Variants in DMD observed in about 807,000 individuals in gnomAD.
DMD encodes mutant dystrophin.
Under a neutral mutation model 330.1 loss-of-function variants are expected in DMD, and 63 were observed. The observed-to-expected ratio is 0.19, with a 90% CI of 0.16 to 0.24. The LOEUF is 0.24. Ranked by LOEUF, DMD falls within the 10% of genes least tolerant of loss-of-function variation. The pLI is 1.00. For missense variants in DMD, 3,344 were observed against 2,684.1 expected, an observed-to-expected ratio of 1.25 and a Z score of -5.43; for synonymous variants, 1,223 against 959.8, an observed-to-expected ratio of 1.27 and a Z score of -5.07.
In DMD at chrX:32,131,263, G is replaced by A. The variant is rs185323444; in HGVS notation, c.6438+85653C>T. On this transcript the variant is annotated intron_variant, in intron 44 of 78. Transcript: ENST00000357033. ...TTTCATTAGCATATAAGATCCTTGA[G>A]AGTAAGAACTTTTTGCTTCTGATTC... Among the ~76,000 whole-genome samples the A allele has an allele frequency of 5.2e-4, 58 of 112,172 alleles. 1 individual carries two copies. The East Asian group carries it at 0.015, about 29-fold the overall frequency.
intron 55 of DMD, among the ~76,000 whole-genome samples, chrX:31,560,775 T>C (rs75053612): frequency 6.6e-5 from 7 of 106,544 alleles, no homozygotes; most frequent in African/African-American, 1.1e-4. Context: ...TAATAGTAAA[T>C]ATATTTTTCT....
At chrX:33,242,104 T>A (rs977270913) in intron 1 of DMD, among the ~76,000 whole-genome samples, 1 of 112,041 alleles carries the variant, frequency 8.9e-6, no homozygotes, top group African/African-American at 3.2e-5. Flanking sequence ...TGGGATTTTT[T>A]AAAAATTTAT....
chrX:31,617,718 A>G, intron 55 of DMD, among the ~76,000 whole-genome samples: 1 of 111,015 alleles, frequency 9.0e-6, no homozygotes, highest in East Asian at 2.8e-4. Flanking sequence ...CAATGCCATT[A>G]CTGGGTATAT....
rs150787752 is a variant in DMD, at chrX:32,346,042, T to C, written c.5487A>G (p.Gln1829=). 9.4e-5 allele frequency: 114 copies of C among 1,208,007 alleles called. No individual in the cohort carries two copies. The African/African-American group carries it at 1.8e-3, about 19-fold the overall frequency. The change falls in exon 39 of 79, where the codon CAA becomes CAG. Residue 1829 remains glutamine, a synonymous_variant. Coordinates refer to ENST00000357033, the MANE Select transcript of DMD (RefSeq NM_004006.3). Reference sequence around the variant, plus strand: ...TTCTTTGTTGTAAGTTGTCTCCTCTTTGCAACAATTCTTTTACAGTACCCT... The same window carrying C: ...TTCTTTGTTGTAAGTTGTCTCCTCTCTGCAACAATTCTTTTACAGTACCCT... ...DNEGTVKELL[Q]RGDNLQQRIT...
intron 50 of DMD, among the ~76,000 whole-genome samples, chrX:31,818,426 C>A (rs2092683443): frequency 3.6e-5 from 4 of 111,414 alleles, no homozygotes; most frequent in Non-Finnish European, 7.5e-5. Flanking sequence ...AGGTAAGTTA[C>A]ACGTTAAATG....
intron 6 of DMD, among the ~76,000 whole-genome samples, chrX:32,810,458 C>CA (rs1387711543): frequency 1.1e-4 from 12 of 111,711 alleles, no homozygotes; most frequent in African/African-American, 3.6e-4. Flanking sequence ...CATACTCCCC[C>CA]AAACCTACCT....
chrX:31,166,039 A>G, intron 74 of DMD, among the ~76,000 whole-genome samples: 1 of 111,783 alleles, frequency 8.9e-6, no homozygotes, highest in East Asian at 2.8e-4. Context: ...GAGAATTTTG[A>G]AAAGCAAGCA....
At chrX:32,320,264 T>C in intron 41 of DMD, among the ~76,000 whole-genome samples, 2 of 111,495 alleles carry the variant, frequency 1.8e-5, no homozygotes, top group Admixed American at 1.9e-4. Flanking sequence ...TCAGTATCTA[T>C]GTCTAAATAT....
intron 48 of DMD, among the ~76,000 whole-genome samples, chrX:31,841,522 ACT>A (rs2048833260): frequency 9.2e-6 from 1 of 108,363 alleles, no homozygotes; most frequent in African/African-American, 3.3e-5. Context: ...GCCATCTAGG[ACT>A]TTCATAGCTA....
At position 32,577,733 on chromosome X, in the gene DMD, C is replaced by T. The variant is rs748615507; in HGVS notation, c.1603-3887G>A. ...AGCATGAACACATATCCTTTAGTAA[C>T]ATATTCTATTGCTTAAACCTATCTT... is the stretch of plus-strand genomic sequence containing the variant. On this transcript the variant is annotated intron_variant, in intron 13 of 78. Transcript: ENST00000357033. Among the ~76,000 whole-genome samples the T allele has an allele frequency of 4.5e-5, 5 of 112,282 alleles. No homozygotes were observed. In the South Asian group the frequency reaches 1.8e-3, roughly 42 times the overall value.
At chrX:32,849,180 TC>T (rs954278117) in intron 3 of DMD, among the ~76,000 whole-genome samples, 17 of 110,391 alleles carry the variant, frequency 1.5e-4, no homozygotes, top group African/African-American at 2.3e-4. Context: ...TTGAGTTCTT[TC>T]CCCCCCCAGT....
chrX:32,930,543 C>T (rs2089492442), intron 2 of DMD, among the ~76,000 whole-genome samples: 1 of 110,866 alleles, frequency 9.0e-6, no homozygotes, highest in African/African-American at 3.3e-5. Context: ...CCTTCACAAT[C>T]TAATCATAAC....
chrX:32,711,375 G>T (rs1324705230), intron 7 of DMD, among the ~76,000 whole-genome samples: 1 of 110,616 alleles, frequency 9.0e-6, no homozygotes, highest in Non-Finnish European at 1.9e-5. Context: ...ATCCTATGGA[G>T]CCTGACTCCT....
At chrX:32,786,880 A>AAT (rs1305065912) in intron 7 of DMD, among the ~76,000 whole-genome samples, 3 of 111,550 alleles carry the variant, frequency 2.7e-5, no homozygotes, top group Non-Finnish European at 5.7e-5. Context: ...TTTTTGCAGA[A>AAT]ATAAAACGAA....
intron 7 of DMD, among the ~76,000 whole-genome samples, chrX:32,763,957 C>A (rs1326706150): frequency 9.0e-6 from 1 of 111,475 alleles, no homozygotes; most frequent in Non-Finnish European, 1.9e-5. Flanking sequence ...CCGCACACAA[C>A]AACAGTATGC....
At chrX:31,819,838 T>G (rs915914952) in intron 50 of DMD, 137 bp downstream of exon 50, 10 of 530,409 alleles carry the variant, frequency 1.9e-5, no homozygotes, top group Non-Finnish European at 3.3e-5. Context: ...TAAGACTTTT[T>G]GCACAGTCAA....
At chrX:32,522,164 C>T (rs1237943583) in intron 17 of DMD, among the ~76,000 whole-genome samples, 2 of 111,922 alleles carry the variant, frequency 1.8e-5, no homozygotes, top group Non-Finnish European at 3.8e-5. Flanking sequence ...TAATGTATTG[C>T]AAAGTCTAAT....
At chrX:32,714,102 C>A (rs896618078) in intron 7 of DMD, among the ~76,000 whole-genome samples, 2 of 111,640 alleles carry the variant, frequency 1.8e-5, no homozygotes, top group Non-Finnish European at 3.8e-5. Context: ...TGCTTTCACA[C>A]CATCATAAAG....
chrX:32,769,196 G>A (rs1195874678), intron 7 of DMD, among the ~76,000 whole-genome samples: 1 of 112,432 alleles, frequency 8.9e-6, no homozygotes, highest in African/African-American at 3.2e-5. Context: ...ATTTACAAAA[G>A]AAAGACGTTT....
Sources: gnomAD v4.1 joint callset for allele counts (sites outside exome capture counted in the v4.1 genomes callset) on GRCh38, gnomAD v4.1.1 for gene constraint, MANE v1.5 for transcripts, NCBI Gene and HGNC (gene_info 2026-07-23, HGNC 2026-07-21) for gene names.